Variants in YTHDF2 observed in about 807,000 individuals in gnomAD.
The protein encoded by YTHDF2 is YTH N6-methyladenosine RNA binding protein F2, also known as YTH domain-containing family protein 2.
YTHDF2 carries 2 observed loss-of-function variants against 50.4 expected under a neutral mutation model. That is an observed-to-expected ratio of 0.04 (90% CI 0.02 to 0.12). YTHDF2 has a LOEUF of 0.12. YTHDF2 is among the 10% of genes least tolerant of loss of function. The probability of loss-of-function intolerance (pLI) is 1.00; values close to 1 mark genes in which losing one functional copy is unlikely to be tolerated. For synonymous variants in YTHDF2, 217 were observed against 255.6 expected (o/e 0.85, Z 1.44); for missense variants, 483 against 722.6 (o/e 0.67, Z 3.80).
At chr1:28,758,531 A>G (rs1159489614) in intron 4 of YTHDF2, among the ~76,000 whole-genome samples, 1 of 152,202 alleles carries the variant, frequency 6.6e-6, no homozygotes, top group Non-Finnish European at 1.5e-5. Context: ...GGAATGAATT[A>G]GATCTACTCT....
At chr1:28,757,274 G>T (rs1370755828) in intron 4 of YTHDF2, among the ~76,000 whole-genome samples, 1 of 152,178 alleles carries the variant, frequency 6.6e-6, no homozygotes, top group African/African-American at 2.4e-5. Flanking sequence ...AGCAAAATCA[G>T]TTAGAGCTAG....
intron 1 of YTHDF2, 66 bp downstream of exon 1, chr1:28,737,213 C>T (rs993683657): frequency 2.7e-6 from 4 of 1,508,242 alleles, no homozygotes; most frequent in African/African-American, 2.9e-5. Context: ...TAGGCCCGGG[C>T]CCGCCGCTCC....
At chr1:28,745,287 A>G (rs1230448803) in intron 4 of YTHDF2, among the ~76,000 whole-genome samples, 1 of 152,174 alleles carries the variant, frequency 6.6e-6, no homozygotes, top group Admixed American at 6.5e-5. Flanking sequence ...TTCAGTGGGT[A>G]CAGATTAATA....
chr1:28,747,441 G>A (rs1451655178), intron 4 of YTHDF2, among the ~76,000 whole-genome samples: 1 of 150,872 alleles, frequency 6.6e-6, no homozygotes, highest in Non-Finnish European at 1.5e-5. Flanking sequence ...ATGGTGGCAG[G>A]TGCCTGTAAT....
chr1:28,744,030 C>T (rs2124631084), intron 4 of YTHDF2, 44 bp downstream of exon 4: 1 of 1,499,686 alleles, frequency 6.7e-7, no homozygotes, highest in South Asian at 1.4e-5. Flanking sequence ...AAGGAGGAAC[C>T]AGAGAGAACA....
intron 4 of YTHDF2, among the ~76,000 whole-genome samples, chr1:28,759,935 A>G (rs553283717): frequency 3.3e-5 from 5 of 152,360 alleles, no homozygotes; most frequent in South Asian, 4.1e-4. Context: ...CAGCGTGGGC[A>G]ACAGAGCGAG....
upstream of YTHDF2, chr1:28,736,823 A>T: frequency 2.6e-6 from 1 of 384,614 alleles, no homozygotes; most frequent in African/African-American, 2.1e-5. Flanking sequence ...AGTGAATGTG[A>T]GAGTCAGCGC....
intron 3 of YTHDF2, 24 bp downstream of exon 3, chr1:28,738,362 T>C: frequency 6.4e-7 from 1 of 1,568,918 alleles, no homozygotes; most frequent in Non-Finnish European, 8.8e-7. Context: ...TATTTACATA[T>C]CTAATCGAAG....
At chr1:28,761,131 A>ATTT (rs56876999) in intron 4 of YTHDF2, among the ~76,000 whole-genome samples, 25,222 of 91,252 alleles carry the variant, frequency 0.28, 4,259 homozygotes, top group African/African-American at 0.29. Flanking sequence ...GTGTGTGTGT[A>ATTT]TTTTTTTTTT....
At chr1:28,756,753 A>T (rs2088040921) in intron 4 of YTHDF2, among the ~76,000 whole-genome samples, 1 of 152,128 alleles carries the variant, frequency 6.6e-6, no homozygotes, top group African/African-American at 2.4e-5. Flanking sequence ...AGAGTTACCC[A>T]GGAGGGAGAT....
intron 4 of YTHDF2, 94 bp from the exon 5 acceptor site, chr1:28,768,835 T>C: frequency 1.1e-6 from 1 of 938,692 alleles, no homozygotes; most frequent in Non-Finnish European, 1.6e-6. Flanking sequence ...TCTAAATAAT[T>C]AAATTTCTGT....
intron 4 of YTHDF2, among the ~76,000 whole-genome samples, chr1:28,764,415 C>A (rs1236149826): frequency 6.6e-6 from 1 of 151,918 alleles, no homozygotes; most frequent in Non-Finnish European, 1.5e-5. Flanking sequence ...GGATTACAGG[C>A]GCCCACCACC....
intron 3 of YTHDF2, 95 bp downstream of exon 3, chr1:28,738,433 T>C: frequency 8.8e-7 from 1 of 1,133,528 alleles, no homozygotes; most frequent in East Asian, 2.5e-5. Context: ...GGATTCATTT[T>C]TTTTTCTTTT....
At chr1:28,754,361 C>T (rs959959635) in intron 4 of YTHDF2, among the ~76,000 whole-genome samples, 6 of 152,092 alleles carry the variant, frequency 3.9e-5, no homozygotes, top group African/African-American at 1.4e-4. Flanking sequence ...AACACTGTCT[C>T]TACTAAAAAT....
rs2087697892 is a variant in YTHDF2 at position 28,737,007 on chromosome 1, C to T, written c.-114C>T. ...TGTCTCCGCTGCGTCCGCCGAGGCC[C>T]CCGAGTGTCAGGGACAAAAGCCTCC... On this transcript the variant is annotated 5_prime_UTR_variant, in exon 1 of 5. Transcript: ENST00000373812. The T allele has an allele frequency of 3.6e-6, 5 of 1,370,002 alleles. No individual in the cohort carries two copies. In the African/African-American group the frequency reaches 4.4e-5, roughly 12 times the overall value. 84.9% of individuals were successfully genotyped at this position (1,370,002 alleles called of 1,614,324 possible).
Position 28,768,935 on chromosome 1 carries a change from C to A in YTHDF2, c.1723C>A (p.Gln575Lys). 6.3e-7 allele frequency: 1 copy of A among 1,592,978 alleles called. No homozygotes were observed. The highest frequency in any genetic ancestry group is 8.6e-7 in the Non-Finnish European group (1 of 1,168,834). Reference sequence around the variant, plus strand: ...TTTTTTCTTACCTCTGTAGGAACGTCAAGGTCGTGGGAAATAAAAGGCAGT... The same window carrying A: ...TTTTTTCTTACCTCTGTAGGAACGTAAAGGTCGTGGGAAATAAAAGGCAGT... ...EEEESVKKER[Q>K]GRGK The change falls in exon 5 of 5, where the codon CAA becomes AAA. Residue 575 changes from glutamine (Q) to lysine (K), a missense_variant. Gln to Lys is a moderately conservative substitution (Grantham distance 53). This residue lies in a region of YTHDF2 where 38 missense variants were observed against 60.1 expected (regional missense o/e 0.63). Coordinates refer to ENST00000373812, the MANE Select transcript of YTHDF2 (RefSeq NM_016258.3).
At position 28,737,164 on chromosome 1, in the gene YTHDF2, C is replaced by CAT; in HGVS notation, c.27+18_27+19dup. 6.3e-7 allele frequency: 1 copy of CAT among 1,579,708 alleles called. No homozygotes were observed. Among genetic ancestry groups the CAT allele is most frequent in the South Asian group, 1.2e-5 (1 of 86,904 alleles). ...TTGGAGCAGGTACAGGCCCGGCCCGCATGCCTCGGCCATTGTGTGAGGCGA... is the reference window on the plus strand; with the variant it reads ...TTGGAGCAGGTACAGGCCCGGCCCGCATATGCCTCGGCCATTGTGTGAGGCGA... On this transcript the variant is annotated intron_variant, in intron 1 of 4. Coordinates refer to ENST00000373812, the MANE Select transcript of YTHDF2 (RefSeq NM_016258.3).
At position 28,769,394 on chromosome 1, in the gene YTHDF2, A is replaced by G. The variant is rs985559081; in HGVS notation, c.*442A>G. 2 of 153,242 alleles carry G rather than the reference A, an allele frequency of 1.3e-5. No individual in the cohort carries two copies. The highest frequency in any genetic ancestry group is 4.8e-5 in the African/African-American group (2 of 41,452). 9.5% of individuals were successfully genotyped at this position (153,242 alleles called of 1,614,324 possible). A position where few individuals can be genotyped will look rare whatever the true frequency, so the allele number is the denominator to read the frequency against. On this transcript the variant is annotated 3_prime_UTR_variant, in exon 5 of 5. Transcript: ENST00000373812. ...TTGGGCATCCACCCCAGAAAGTGGG[A>G]ATTTGATTTTATCCTTCCGAACTGG...
chr1:28,763,801 C>T (rs1353896168), intron 4 of YTHDF2, among the ~76,000 whole-genome samples: 1 of 150,240 alleles, frequency 6.7e-6, no homozygotes, highest in Non-Finnish European at 1.5e-5. Flanking sequence ...CTGAGCCTGG[C>T]CGACAATTTA....
Sources: allele counts gnomAD v4.1 joint callset (sites outside exome capture counted in the v4.1 genomes callset), GRCh38; gene constraint gnomAD v4.1.1; regional missense constraint gnomAD v4.1.1; transcripts MANE v1.5; gene names NCBI Gene and HGNC (gene_info 2026-07-23, HGNC 2026-07-21).